ANAPC1: variants seen among roughly 807,000 people sequenced by gnomAD.
ANAPC1 encodes anaphase promoting complex subunit 1, also known as anaphase-promoting complex subunit 1.
In ANAPC1, 36 loss-of-function variants were observed where a neutral mutation model predicts 208.0. The observed-to-expected ratio is 0.17, with a 90% CI of 0.13 to 0.23. The LOEUF (loss-of-function observed/expected upper bound fraction) is 0.23. Among genes scored for constraint, ANAPC1 ranks in the 10% least tolerant of loss-of-function variants. The probability of loss-of-function intolerance (pLI) is 1.00; values close to 1 mark genes in which losing one functional copy is unlikely to be tolerated. For missense variants in ANAPC1, 942 were observed against 2,011.6 expected, an observed-to-expected ratio of 0.47 and a Z score of 10.17; for synonymous variants, 378 against 695.2, an observed-to-expected ratio of 0.54 and a Z score of 7.18.
At chr2:111,832,329 A>C (rs1487043547) in intron 20 of ANAPC1, among the ~76,000 whole-genome samples, 1 of 150,610 alleles carries the variant, frequency 6.6e-6, no homozygotes, top group Non-Finnish European at 1.5e-5. Context: ...AAAAAAGAAG[A>C]ATCTAATCAA....
chr2:111,879,334 C>T (rs1436250608), intron 2 of ANAPC1, among the ~76,000 whole-genome samples: 2 of 152,124 alleles, frequency 1.3e-5, no homozygotes, highest in Non-Finnish European at 2.9e-5. Flanking sequence ...GTGAGGTGCA[C>T]GTGGGAATCA....
At chr2:111,839,234 T>C (rs1242868525) in intron 17 of ANAPC1, among the ~76,000 whole-genome samples, 3 of 152,246 alleles carry the variant, frequency 2.0e-5, no homozygotes, top group Non-Finnish European at 2.9e-5. Context: ...TGAATAACTG[T>C]GTGGCCTGTT....
chr2:111,868,621 C>T (rs757722249), intron 6 of ANAPC1, among the ~76,000 whole-genome samples: 1 of 152,206 alleles, frequency 6.6e-6, no homozygotes, highest in Non-Finnish European at 1.5e-5. Context: ...ACCTCCACCT[C>T]CCACGTTCAA....
At position 111,826,661 on chromosome 2, in the gene ANAPC1, A is replaced by ATTTTT. The variant is rs35434299; in HGVS notation, c.2626-807_2626-806insAAAAA. On this transcript the variant is annotated intron_variant, in intron 21 of 47. Transcript: ENST00000341068. Reference sequence around the variant, plus strand: ...ATGACCAAAGCTGCTTTATTTATTTATTTATTTTTTTTTTTTTTGAGACGG... The same window carrying ATTTTT: ...ATGACCAAAGCTGCTTTATTTATTTATTTTTTTTATTTTTTTTTTTTTTGAGACGG... 3.7e-4 allele frequency among the ~76,000 whole-genome samples: 43 copies of ATTTTT among 115,028 alleles called. 1 individual carries two copies. The highest frequency in any genetic ancestry group is 4.0e-3 in the Middle Eastern group (1 of 250). The allele number at this position is 115,028 out of a possible 152,430, so 75.5% of individuals were successfully genotyped here. A position where few individuals can be genotyped will look rare whatever the true frequency, so the allele number is the denominator to read the frequency against.
chr2:111,868,132 C>T (rs756746232), intron 6 of ANAPC1, 36 bp from the exon 7 acceptor site: 33 of 1,470,650 alleles, frequency 2.2e-5, no homozygotes, highest in Non-Finnish European at 2.9e-5. Context: ...ATTACCAATA[C>T]GAGTATGTCT....
intron 35 of ANAPC1, 142 bp downstream of exon 35, chr2:111,794,676 T>C (rs1678065776): frequency 7.9e-6 from 10 of 1,261,666 alleles, no homozygotes; most frequent in Non-Finnish European, 1.0e-5. Context: ...ACCAACGTCA[T>C]GAACATCTGA....
intron 42 of ANAPC1, 62 bp from the exon 43 acceptor site, chr2:111,782,569 G>A (rs1447829456): frequency 6.2e-7 from 1 of 1,600,308 alleles, no homozygotes; most frequent in Non-Finnish European, 8.5e-7. Context: ...TGGAAATAGT[G>A]TTTTCCCAAT....
chr2:111,847,729 G>A lies in ANAPC1; in HGVS notation c.1787C>T (p.Thr596Ile), dbSNP rs1351214585. The A allele has an allele frequency of 2.3e-5, 35 of 1,530,090 alleles. No homozygotes were observed. Among genetic ancestry groups the A allele is most frequent in the Non-Finnish European group, 3.1e-5 (35 of 1,139,310 alleles). The allele number at this position is 1,530,090 out of a possible 1,614,324, so 94.8% of individuals were successfully genotyped here. A position where few individuals can be genotyped will look rare whatever the true frequency, so the allele number is the denominator to read the frequency against. The change falls in exon 15 of 48, where the codon ACC (threonine) becomes ATC (isoleucine). Residue 596 changes from threonine to isoleucine, a missense_variant. Physicochemically the swap from Thr to Ile is moderately conservative, Grantham distance 89. Transcript: ENST00000341068. ...CTACCAAATGTTTATACTTACCAGG[G>A]TGACTCTGTTATGGACAGGATCTCT... ...SIRDPVHNRVTLELSNGSMVR... is the reference protein window; with the variant it reads ...SIRDPVHNRVILELSNGSMVR...
intron 3 of ANAPC1, among the ~76,000 whole-genome samples, chr2:111,874,465 T>C (rs539974637): frequency 6.6e-6 from 1 of 150,706 alleles, no homozygotes; most frequent in East Asian, 2.0e-4. Flanking sequence ...GTAACCTCTA[T>C]TCCACTTTCC....
chr2:111,878,535 G>C (rs539122290), intron 3 of ANAPC1, among the ~76,000 whole-genome samples: 1 of 152,094 alleles, frequency 6.6e-6, no homozygotes, highest in Admixed American at 6.5e-5. Context: ...ATAGGTTTTT[G>C]CTGGCAATAA....
At chr2:111,845,840 T>A (rs1681027602) in intron 16 of ANAPC1, among the ~76,000 whole-genome samples, 1 of 151,964 alleles carries the variant, frequency 6.6e-6, no homozygotes, top group South Asian at 2.1e-4. Flanking sequence ...CCGGGCGTGG[T>A]GGCGGGCACC....
chr2:111,849,326 C>T (rs1681264990), intron 14 of ANAPC1, among the ~76,000 whole-genome samples: 1 of 152,040 alleles, frequency 6.6e-6, no homozygotes, highest in African/African-American at 2.4e-5. Flanking sequence ...AACCATTTTC[C>T]ATTATAAAAG....
intron 14 of ANAPC1, among the ~76,000 whole-genome samples, chr2:111,850,312 C>T (rs1433193324): frequency 2.6e-5 from 4 of 151,870 alleles, no homozygotes; most frequent in Admixed American, 1.3e-4. Context: ...GCCCTGAATG[C>T]TCCTTTCTAC....
At chr2:111,834,133 C>T (rs1347408402) in intron 19 of ANAPC1, among the ~76,000 whole-genome samples, 2 of 152,178 alleles carry the variant, frequency 1.3e-5, no homozygotes. Context: ...AAAATGAGTC[C>T]ACAACTATCA....
intron 1 of ANAPC1, among the ~76,000 whole-genome samples, chr2:111,883,127 C>T (rs1468911915): frequency 1.4e-5 from 2 of 139,630 alleles, no homozygotes; most frequent in African/African-American, 5.4e-5. Flanking sequence ...GATGGCGCCA[C>T]TGCACTCCAG....
Position 111,800,440 on chromosome 2 carries a change from C to T in ANAPC1, c.4296+357G>A, listed in dbSNP as rs373257224. Among the ~76,000 whole-genome samples, 9 of 134,020 alleles carry T rather than the reference C, an allele frequency of 6.7e-5. 1 individual carries two copies. The highest frequency in any genetic ancestry group is 2.1e-4 in the East Asian group (1 of 4,834). 87.9% of individuals were successfully genotyped at this position (134,020 alleles called of 152,430 possible). On this transcript the variant is annotated intron_variant, in intron 34 of 47. Transcript: ENST00000341068. ...GTTATTAGGAGATCTAAAATTGTCA[C>T]GAAGTAAAATAGCATCTTAGAAATG...
intron 7 of ANAPC1, 95 bp from the exon 8 acceptor site, chr2:111,865,046 A>C: frequency 7.0e-7 from 1 of 1,427,604 alleles, no homozygotes; most frequent in Non-Finnish European, 9.3e-7. Flanking sequence ...AAGATAAAGA[A>C]CAACCAAGCC....
intron 34 of ANAPC1, among the ~76,000 whole-genome samples, chr2:111,796,390 G>T (rs1029055091): frequency 6.8e-6 from 1 of 147,704 alleles, no homozygotes; most frequent in Non-Finnish European, 1.5e-5. Flanking sequence ...GAGTGCAGTG[G>T]TGCGATCACG....
At chr2:111,876,130 C>T (rs1477050215) in intron 3 of ANAPC1, among the ~76,000 whole-genome samples, 1 of 152,070 alleles carries the variant, frequency 6.6e-6, no homozygotes, top group Non-Finnish European at 1.5e-5. Flanking sequence ...TGGCTCACGC[C>T]TGTAATCTCA....
Sources: gnomAD v4.1 joint callset for allele counts (sites outside exome capture counted in the v4.1 genomes callset) on GRCh38, gnomAD v4.1.1 for gene constraint, MANE v1.5 for transcripts, NCBI Gene and HGNC (gene_info 2026-07-23, HGNC 2026-07-21) for gene names.